The following CEP192 variants were observed in gnomAD, a reference collection of about 807,000 sequenced individuals.
CEP192 encodes centrosomal protein of 192 kDa.
Under a neutral mutation model 271.8 loss-of-function variants are expected in CEP192, and 151 were observed. That is an observed-to-expected ratio of 0.56 (90% CI 0.49 to 0.64). The LOEUF (loss-of-function observed/expected upper bound fraction) is 0.64. CEP192 is among the 30% of genes least tolerant of loss of function. The pLI is 0.00. For synonymous variants in CEP192, 995 were observed against 1,076.5 expected, an observed-to-expected ratio of 0.92 and a Z score of 1.48; for missense variants, 2,910 against 3,020.5, an observed-to-expected ratio of 0.96 and a Z score of 0.86.
chr18:13,110,133 C>T (rs894118386), intron 40 of CEP192, among the ~76,000 whole-genome samples: 16 of 152,154 alleles, frequency 1.1e-4, no homozygotes, highest in African/African-American at 3.6e-4. Context: ...ATTTAGTGCA[C>T]AGTTGTAATT....
intron 21 of CEP192, among the ~76,000 whole-genome samples, chr18:13,066,430 G>A (rs1480494945): frequency 6.6e-6 from 1 of 152,080 alleles, no homozygotes; most frequent in Non-Finnish European, 1.5e-5. Context: ...AGTGGCTTCT[G>A]ATTTTTTGAT....
intron 19 of CEP192, 69 bp downstream of exon 19, chr18:13,056,767 G>A: frequency 8.0e-7 from 1 of 1,255,140 alleles, no homozygotes; most frequent in East Asian, 2.3e-5. Context: ...AAGCTAGTTT[G>A]TTTCAAGGAG....
In CEP192 at chr18:13,092,480, CAGAG is replaced by C; in HGVS notation, c.6209_6212del (p.Arg2070AsnfsTer67). ...GAGAATTCAGAGATTGCATTTCTAG[CAGAG>C]AATTCCTTCAGCCTTCTTCCAAAGC... On this transcript the variant is annotated frameshift_variant, in exon 34 of 45. Transcript: ENST00000506447. LOFTEE classifies it high-confidence loss of function. 3 of 1,609,574 alleles carry C rather than the reference CAGAG, an allele frequency of 1.9e-6. No homozygotes were observed. Among genetic ancestry groups the C allele is most frequent in the Non-Finnish European group, 2.5e-6 (3 of 1,177,538 alleles).
rs561838270 is a variant in CEP192 at position 13,046,706 on chromosome 18, A to G, written c.2068-2153A>G. Among the ~76,000 whole-genome samples the G allele has an allele frequency of 1.8e-4, 27 of 152,118 alleles. No homozygotes were observed. In the South Asian group the frequency reaches 5.6e-3, roughly 31 times the overall value. ...TACTCAATTTACTCCATACTTAAAA[A>G]GCTTTTCTTGTTTTATGTTTTATTT... On this transcript the variant is annotated intron_variant, in intron 15 of 44. Transcript: ENST00000506447.
intron 44 of CEP192, among the ~76,000 whole-genome samples, chr18:13,118,099 C>A (rs551660010): frequency 6.6e-6 from 1 of 152,308 alleles, no homozygotes; most frequent in Non-Finnish European, 1.5e-5. Flanking sequence ...ACACTCCTTA[C>A]TGTTCTTAAT....
At position 13,087,644 on chromosome 18, in the gene CEP192, C is replaced by T; in HGVS notation, c.5991C>T (p.Arg1997=). 1 of 1,453,876 alleles carries T rather than the reference C, an allele frequency of 6.9e-7. No individual in the cohort carries two copies. The highest frequency in any genetic ancestry group is 9.4e-7 in the Non-Finnish European group (1 of 1,061,674). 90.1% of individuals were successfully genotyped at this position (1,453,876 alleles called of 1,614,324 possible). ...GGDEISRQQY[R]RALLHKPEMI... ...ATGAAATTTCAAGACAGCAGTATCG[C>T]AGGTAGATTACTTATCTTACACAAT... is the stretch of plus-strand genomic sequence containing the variant. Residue 1997 remains arginine, a splice_region_variant and synonymous_variant, in exon 32 of 45, where the codon CGC becomes CGT. Coordinates refer to ENST00000506447, the MANE Select transcript of CEP192 (RefSeq NM_032142.4).
In CEP192 at chr18:13,068,322, G is replaced by A. The variant is rs372601523; in HGVS notation, c.4759-37G>A. On this transcript the variant is annotated intron_variant, in intron 23 of 44. Transcript: ENST00000506447. ...CATTAAGATAGTAATATTAATACCA[G>A]TTTACATTAAGACAAATTTTTCTTT... 1.2e-4 allele frequency: 187 copies of A among 1,604,564 alleles called. No homozygotes were observed. In the Middle Eastern group the frequency reaches 1.7e-3, roughly 15 times the overall value.
At chr18:13,009,328 C>A (rs1261592243) in intron 4 of CEP192, among the ~76,000 whole-genome samples, 1 of 152,108 alleles carries the variant, frequency 6.6e-6, no homozygotes, top group Non-Finnish European at 1.5e-5. Flanking sequence ...GTCGGATGGC[C>A]ACAGCATACT....
chr18:13,028,011 C>G (rs2035400317), intron 9 of CEP192, among the ~76,000 whole-genome samples: 1 of 152,164 alleles, frequency 6.6e-6, no homozygotes, highest in Admixed American at 6.6e-5. Flanking sequence ...TATTTCCTCA[C>G]AGTTATGGAG....
intron 4 of CEP192, among the ~76,000 whole-genome samples, 158 bp downstream of exon 4, chr18:13,008,789 A>G (rs1329391780): frequency 1.3e-5 from 2 of 149,022 alleles, no homozygotes; most frequent in Non-Finnish European, 3.0e-5. Flanking sequence ...CTGCAGCCTC[A>G]ACTTCCTGGG....
chr18:13,084,179 T>A (rs1464507022), intron 30 of CEP192, among the ~76,000 whole-genome samples: 1 of 152,158 alleles, frequency 6.6e-6, no homozygotes, highest in Non-Finnish European at 1.5e-5. Flanking sequence ...GACGTTTAAG[T>A]CTGGAGAAGT....
chr18:13,052,831 G>C lies in CEP192; in HGVS notation c.3018-88G>C, dbSNP rs1168500574. The C allele has an allele frequency of 4.1e-6, 4 of 978,780 alleles. No individual in the cohort carries two copies. The African/African-American group carries it at 4.8e-5, about 12-fold the overall frequency. 60.6% of individuals were successfully genotyped at this position (978,780 alleles called of 1,614,324 possible). On this transcript the variant is annotated intron_variant, in intron 17 of 44. Coordinates refer to ENST00000506447, the MANE Select transcript of CEP192 (RefSeq NM_032142.4). ...GAATTTGTGGTTGAGTCATTTGCAA[G>C]ATTGTAGGCCCATAGGAATGGTTTT...
At chr18:13,036,774 A>AG (rs1568315445) in intron 11 of CEP192, among the ~76,000 whole-genome samples, 1 of 152,224 alleles carries the variant, frequency 6.6e-6, no homozygotes, top group Non-Finnish European at 1.5e-5. Flanking sequence ...GGCAGACATT[A>AG]GGGGACTCCC....
In CEP192 at chr18:13,080,252, A is replaced by T. The variant is rs140516597; in HGVS notation, c.5617-6765A>T. 4.4e-3 allele frequency among the ~76,000 whole-genome samples: 677 copies of T among 152,276 alleles called. 1 individual carries two copies. The highest frequency in any genetic ancestry group is 7.8e-3 in the Non-Finnish European group (533 of 68,016). Reference sequence around the variant, plus strand: ...CAGTGTGGCCATTTTCACGATATTGATTCTTCCTATCCATGAGCATGGAAT... The same window carrying T: ...CAGTGTGGCCATTTTCACGATATTGTTTCTTCCTATCCATGAGCATGGAAT... On this transcript the variant is annotated intron_variant, in intron 30 of 44. Transcript: ENST00000506447.
At position 13,001,557 on chromosome 18, in the gene CEP192, TTACAGCTTA is replaced by T; in HGVS notation, c.266_274del (p.Leu89_Ser92delinsCys). On this transcript the variant is annotated inframe_deletion, in exon 3 of 45. Transcript: ENST00000506447. ...GAGTGATGCTGAACCAAGAGAGAGG[TTACAGCTTA>T]GCTTCCAGGATGATGAGTAAGTTCA... 6.5e-7 allele frequency: 1 copy of T among 1,549,692 alleles called. No individual in the cohort carries two copies.
At chr18:13,113,477 A>G (rs1409133348) in intron 40 of CEP192, 109 bp from the exon 41 acceptor site, 2 of 1,088,918 alleles carry the variant, frequency 1.8e-6, no homozygotes, top group Non-Finnish European at 2.7e-6. Context: ...CCAGTGCAAA[A>G]GCATTTGTTC....
intron 39 of CEP192, chr18:13,103,864 T>G: frequency 2.0e-6 from 1 of 507,278 alleles, no homozygotes; most frequent in Non-Finnish European, 3.8e-6. Context: ...TAACTTTTTG[T>G]TTTTTTGTAG....
chr18:13,087,534 G>A lies in CEP192; in HGVS notation c.5881G>A (p.Val1961Ile), dbSNP rs1431497856. The change falls in exon 32 of 45, where the codon GTT (valine) becomes ATT (isoleucine). Residue 1961 changes from valine (V) to isoleucine (I), a missense_variant. By Grantham distance (29) the Val-to-Ile change is conservative. Transcript: ENST00000506447. ...GATTTTTTTTTCTTGGCATCAGAAT[G>A]TTACTTTAATATATAATCCATCAGA... ...FVLKERTQEN[V>I]TLIYNPSDRG... is the part of the protein sequence containing the mutation. 2 of 1,383,986 alleles carry A rather than the reference G, an allele frequency of 1.4e-6. No homozygotes were observed. Among genetic ancestry groups the A allele is most frequent in the South Asian group, 2.6e-5 (2 of 76,922 alleles). The allele number at this position is 1,383,986 out of a possible 1,614,324, so 85.7% of individuals were successfully genotyped here.
intron 1 of CEP192, among the ~76,000 whole-genome samples, chr18:12,997,148 T>G (rs1226816560): frequency 6.6e-6 from 1 of 152,012 alleles, no homozygotes; most frequent in Non-Finnish European, 1.5e-5. Flanking sequence ...AGTGAGGGGT[T>G]GGGATCGAGT....
Sources: gnomAD v4.1 joint callset for allele counts (sites outside exome capture counted in the v4.1 genomes callset) on GRCh38, gnomAD v4.1.1 for gene constraint, MANE v1.5 for transcripts, NCBI Gene and HGNC (gene_info 2026-07-23, HGNC 2026-07-21) for gene names.